Variants in ACSS1 observed in about 807,000 individuals in gnomAD.
ACSS1 encodes acetyl-coenzyme A synthetase 2-like, mitochondrial.
A neutral mutation model predicts 75.3 loss-of-function variants in ACSS1; 42 were observed. That is an observed-to-expected ratio of 0.56 (90% confidence interval 0.44 to 0.72). The LOEUF is 0.72. Ranked by LOEUF, ACSS1 falls within the 30% of genes least tolerant of loss-of-function variation. The pLI, the probability that ACSS1 is intolerant of heterozygous loss-of-function variation, is 0.00. For missense variants in ACSS1, 782 were observed against 935.7 expected, an observed-to-expected ratio of 0.84 and a Z score of 2.14; for synonymous variants, 380 against 376.8, an observed-to-expected ratio of 1.01 and a Z score of -0.10.
At chr20:25,030,322 A>AC (rs2088799595) in intron 3 of ACSS1, among the ~76,000 whole-genome samples, 1 of 151,848 alleles carries the variant, frequency 6.6e-6, no homozygotes, top group Non-Finnish European at 1.5e-5. Context: ...AGACAGAAAG[A>AC]CCCCCTTCAC....
At chr20:25,017,115 C>G (rs1478990762) in intron 7 of ACSS1, among the ~76,000 whole-genome samples, 1 of 152,034 alleles carries the variant, frequency 6.6e-6, no homozygotes, top group Non-Finnish European at 1.5e-5. Flanking sequence ...TCTCAGCCTC[C>G]CAAGTAGCCG....
chr20:25,028,071 T>C (rs2088757881), intron 3 of ACSS1, among the ~76,000 whole-genome samples: 1 of 152,164 alleles, frequency 6.6e-6, no homozygotes. Flanking sequence ...GCCTAGGATA[T>C]GCAAGACTTG....
chr20:25,046,594 A>C (rs576880004), intron 2 of ACSS1: 38 of 560,712 alleles, frequency 6.8e-5, no homozygotes, highest in African/African-American at 4.9e-4. Flanking sequence ...TTAGCTCCTT[A>C]GCCCCCGACC....
intron 7 of ACSS1, among the ~76,000 whole-genome samples, chr20:25,016,501 A>G (rs6138466): frequency 0.31 from 47,925 of 152,200 alleles, 8,551 homozygotes; most frequent in African/African-American, 0.48. Context: ...TAGACGTGCT[A>G]TCACTAAAAC....
intron 2 of ACSS1, chr20:25,032,403 G>T: frequency 7.1e-7 from 1 of 1,403,486 alleles, no homozygotes; most frequent in Non-Finnish European, 9.3e-7. Context: ...AAGTGGAAGC[G>T]ATCCCAAGGT....
At chr20:25,023,212 C>T in intron 4 of ACSS1, 120 bp from the exon 5 acceptor site, 1 of 1,315,812 alleles carries the variant, frequency 7.6e-7, no homozygotes, top group Non-Finnish European at 1.0e-6. Context: ...CTGACCTGTC[C>T]AAGTTCAATT....
chr20:25,008,410 C>A (rs1001296688), intron 13 of ACSS1, among the ~76,000 whole-genome samples: 1 of 152,256 alleles, frequency 6.6e-6, no homozygotes, highest in African/African-American at 2.4e-5. Flanking sequence ...AGCCCATTCA[C>A]TGCAAATGGC....
At chr20:25,018,601 C>G (rs1454169073) in intron 7 of ACSS1, among the ~76,000 whole-genome samples, 1 of 152,200 alleles carries the variant, frequency 6.6e-6, no homozygotes, top group Admixed American at 6.5e-5. Context: ...TGAGTGACCT[C>G]AGGCCGGTTC....
In ACSS1 at chr20:25,020,042, T is replaced by C. The variant is rs1211860778; in HGVS notation, c.1214A>G (p.Tyr405Cys). The C allele has an allele frequency of 1.9e-6, 3 of 1,614,202 alleles. No individual in the cohort carries two copies. The highest frequency in any genetic ancestry group is 2.5e-6 in the Non-Finnish European group (3 of 1,180,030). ...CAGGGTCCGCAGGGAGGAGCGATCATACTTCTTCACCCAGGCATCACCGTA... is the reference window on the plus strand; with the variant it reads ...CAGGGTCCGCAGGGAGGAGCGATCACACTTCTTCACCCAGGCATCACCGTA... ...LKYGDAWVKK[Y>C]DRSSLRTLGS... The change falls in exon 7 of 14, where the codon TAT (tyrosine) becomes TGT (cysteine). Residue 405 changes from tyrosine to cysteine, a missense_variant. By Grantham distance (194) the Tyr-to-Cys change is radical (BLOSUM62 -2). Around this residue, in one of 2 missense-constraint regions of ACSS1, gnomAD observed 405 missense variants for 552.6 expected, o/e 0.73. Transcript: ENST00000323482.
chr20:25,031,702 A>T (rs1255833102), intron 2 of ACSS1, among the ~76,000 whole-genome samples: 4 of 152,204 alleles, frequency 2.6e-5, no homozygotes, highest in Non-Finnish European at 1.5e-5. Context: ...CCTTCCCGGC[A>T]TGATCCAAGA....
In ACSS1 at chr20:25,037,756, C is replaced by T. The variant is rs150737111; in HGVS notation, c.432-6798G>A. Among the ~76,000 whole-genome samples the T allele has an allele frequency of 7.5e-3, 1,146 of 152,322 alleles. 24 individuals are homozygous for T. The highest frequency in any genetic ancestry group is 0.026 in the African/African-American group (1,092 of 41,558). On this transcript the variant is annotated intron_variant, in intron 2 of 13. Transcript: ENST00000323482. The stretch of plus-strand genomic sequence containing the variant: ...CTGACCCCTTCTCACGCAGGAGGAG[C>T]GTGGAAGGCCACGCAAAGCATGGAT...
chr20:25,027,743 A>C (rs1436904461), intron 3 of ACSS1, among the ~76,000 whole-genome samples: 1 of 151,756 alleles, frequency 6.6e-6, no homozygotes, highest in Non-Finnish European at 1.5e-5. Context: ...ACTGCAATTC[A>C]ACATTGTAAA....
chr20:25,048,673 G>T (rs1238548830), intron 1 of ACSS1, among the ~76,000 whole-genome samples: 1 of 152,236 alleles, frequency 6.6e-6, no homozygotes, highest in African/African-American at 2.4e-5. Flanking sequence ...TGCAAGAAGG[G>T]ACGAGGACCC....
chr20:25,041,953 A>G (rs2089012144), intron 2 of ACSS1, among the ~76,000 whole-genome samples: 1 of 152,206 alleles, frequency 6.6e-6, no homozygotes, highest in Admixed American at 6.5e-5. Context: ...CTGGGATCCA[A>G]GAAGGTACAG....
At chr20:25,048,887 C>CA (rs1166071385) in intron 1 of ACSS1, among the ~76,000 whole-genome samples, 1 of 152,188 alleles carries the variant, frequency 6.6e-6, no homozygotes, top group Non-Finnish European at 1.5e-5. Context: ...CCTCCGCTGG[C>CA]AGGCTGGTCA....
rs902450979 is a variant in ACSS1 at position 25,052,237 on chromosome 20, T to TA, written c.335-4057dup. ...AGAGAGGGAGGAGGAAAAGAAAGTT[T>TA]AAAAAAAAATCTGCCCAAAGAAATG... On this transcript the variant is annotated intron_variant, in intron 1 of 13. Coordinates refer to ENST00000323482, the MANE Select transcript of ACSS1 (RefSeq NM_032501.4). Among the ~76,000 whole-genome samples, 5 of 151,442 alleles carry TA rather than the reference T, an allele frequency of 3.3e-5. No homozygotes were observed. The East Asian group carries it at 5.8e-4, about 18-fold the overall frequency.
At chr20:25,056,186 T>G (rs190330495) in intron 1 of ACSS1, among the ~76,000 whole-genome samples, 1 of 152,240 alleles carries the variant, frequency 6.6e-6, no homozygotes, top group Admixed American at 6.5e-5. Context: ...CTTATCTGAG[T>G]GGGGCTGCAA....
intron 13 of ACSS1, 104 bp downstream of exon 13, chr20:25,009,166 G>A: frequency 9.6e-7 from 1 of 1,042,704 alleles, no homozygotes; most frequent in South Asian, 1.4e-5. Context: ...TGTCCGTTTT[G>A]ATGCTAATTG....
At chr20:25,036,963 AAAG>A (rs1555853734) in intron 2 of ACSS1, among the ~76,000 whole-genome samples, 48 of 146,476 alleles carry the variant, frequency 3.3e-4, no homozygotes, top group African/African-American at 9.3e-4. Context: ...AAAAAAAAAA[AAAG>A]AAGAAGAAGA....
Sources: allele counts gnomAD v4.1 joint callset (sites outside exome capture counted in the v4.1 genomes callset), GRCh38; gene constraint gnomAD v4.1.1; regional missense constraint gnomAD v4.1.1; transcripts MANE v1.5; gene names NCBI Gene and HGNC (gene_info 2026-07-23, HGNC 2026-07-21).